CCDC60: variants seen among roughly 807,000 people sequenced by gnomAD.
The protein encoded by CCDC60 is coiled-coil domain containing 60, also known as coiled-coil domain-containing protein 60.
Under a neutral mutation model 63.5 loss-of-function variants are expected in CCDC60, and 54 were observed. The ratio of observed to expected loss-of-function variants is 0.85; its 90% CI spans 0.68 to 1.07. CCDC60 has a LOEUF of 1.07. Among genes scored for constraint, CCDC60 ranks in the 50% least tolerant of loss-of-function variants. The pLI is 0.00. For missense variants in CCDC60, 651 were observed against 684.3 expected (o/e 0.95, Z 0.54); for synonymous variants, 206 against 238.8 (o/e 0.86, Z 1.27).
In CCDC60 at chr12:119,410,342, T is replaced by A. The variant is rs1222135578; in HGVS notation, c.91-18341T>A. 1.3e-5 allele frequency among the ~76,000 whole-genome samples: 2 copies of A among 152,028 alleles called. No homozygotes were observed. The highest frequency in any genetic ancestry group is 2.9e-5 in the Non-Finnish European group (2 of 68,004). On this transcript the variant is annotated intron_variant, in intron 1 of 13. Coordinates refer to ENST00000327554, the MANE Select transcript of CCDC60 (RefSeq NM_178499.5). This position sits in a 1 kb window ranked among gnomAD's most constrained non-coding sequence, Gnocchi z 4.0. ...TACATTTTAAAAAGTGATGTACCTT[T>A]TGATACATTTTTTTAAACCATTTGA... is the stretch of plus-strand genomic sequence containing the variant.
intron 7 of CCDC60, among the ~76,000 whole-genome samples, chr12:119,514,680 C>G (rs140943003): frequency 6.6e-6 from 1 of 151,936 alleles, no homozygotes; most frequent in Admixed American, 6.5e-5. Context: ...GTACAGTAAG[C>G]TAAGTTTAAT....
chr12:119,392,897 G>A (rs912688892), intron 1 of CCDC60, among the ~76,000 whole-genome samples: 6 of 152,174 alleles, frequency 3.9e-5, no homozygotes, highest in South Asian at 4.1e-4. Flanking sequence ...GCTTACACCT[G>A]TAATCCCAGC....
intron 6 of CCDC60, among the ~76,000 whole-genome samples, chr12:119,502,931 G>A (rs527553458): frequency 6.6e-6 from 1 of 152,204 alleles, no homozygotes; most frequent in South Asian, 2.1e-4. Context: ...CACTTTGGGA[G>A]ACCAAGGCGG....
chr12:119,438,026 T>G (rs557543620), intron 2 of CCDC60, among the ~76,000 whole-genome samples: 2 of 152,318 alleles, frequency 1.3e-5, no homozygotes, highest in South Asian at 4.1e-4. Context: ...GCACACCCCA[T>G]GGGTAGGTTG....
intron 13 of CCDC60, among the ~76,000 whole-genome samples, chr12:119,534,878 CTTTT>C (rs1252219950): frequency 6.6e-6 from 1 of 152,024 alleles, no homozygotes; most frequent in South Asian, 2.1e-4. Context: ...TAAAAATTCT[CTTTT>C]TTTGTTTTGT....
At position 119,540,664 on chromosome 12, in the gene CCDC60, G is replaced by T; in HGVS notation, c.1602G>T (p.Trp534Cys). ...TGCCTCAAGAGGATTACATCAGCTG[G>T]CTGCAGAGCCGGATCAACATACCCA... ...IHMPQEDYIS[W>C]LQSRINIPIG... The change falls in exon 14 of 14, where the codon TGG becomes TGT. Residue 534 changes from tryptophan to cysteine, a missense_variant. Trp to Cys is a radical substitution (Grantham distance 215, BLOSUM62 -2). Transcript: ENST00000327554. 1 of 1,614,018 alleles carries T rather than the reference G, an allele frequency of 6.2e-7. No individual in the cohort carries two copies.
chr12:119,481,289 T>C (rs540086396), intron 4 of CCDC60, among the ~76,000 whole-genome samples: 2 of 152,192 alleles, frequency 1.3e-5, no homozygotes, highest in Non-Finnish European at 2.9e-5. Context: ...CAATTTCTCA[T>C]GATGTCTCTT....
intron 1 of CCDC60, among the ~76,000 whole-genome samples, chr12:119,350,228 C>T (rs1010570389): frequency 6.6e-6 from 1 of 151,840 alleles, no homozygotes; most frequent in Non-Finnish European, 1.5e-5. Context: ...GACAGAGTCT[C>T]GCTCTGTCAC....
At chr12:119,482,009 A>ATATATATGTATATATGTGTG (rs774808817) in intron 4 of CCDC60, among the ~76,000 whole-genome samples, 2 of 40,648 alleles carry the variant, frequency 4.9e-5, no homozygotes, top group African/African-American at 5.9e-5. Flanking sequence ...TATATATAGT[A>ATATATATGTATATATGTGTG]TATATATATG....
intron 11 of CCDC60, among the ~76,000 whole-genome samples, chr12:119,524,793 C>T (rs774941101): frequency 7.3e-6 from 1 of 137,844 alleles, no homozygotes; most frequent in Admixed American, 7.9e-5. Flanking sequence ...CATGATCATA[C>T]CTTACTGCAG....
chr12:119,445,778 C>T (rs999048700), intron 2 of CCDC60, among the ~76,000 whole-genome samples: 1 of 152,166 alleles, frequency 6.6e-6, no homozygotes, highest in Admixed American at 6.5e-5. Context: ...GAATTAATGG[C>T]ATCTGCAGCA....
intron 1 of CCDC60, among the ~76,000 whole-genome samples, chr12:119,367,802 A>G (rs1202918303): frequency 6.6e-6 from 1 of 152,208 alleles, no homozygotes; most frequent in Non-Finnish European, 1.5e-5. Context: ...ATCCATTTTT[A>G]TGAAAGTACA....
intron 11 of CCDC60, 40 bp downstream of exon 11, chr12:119,523,858 A>G (rs1456267407): frequency 6.2e-7 from 1 of 1,604,264 alleles, no homozygotes; most frequent in East Asian, 2.2e-5. Context: ...AACAGCATTC[A>G]CTGGGTACCT....
At chr12:119,477,968 G>C (rs527975830) in intron 3 of CCDC60, among the ~76,000 whole-genome samples, 1 of 152,110 alleles carries the variant, frequency 6.6e-6, no homozygotes, top group East Asian at 1.9e-4. Context: ...GAAAAAGAGA[G>C]TGGATTAATT....
rs979616869 is a variant in CCDC60 at position 119,528,737 on chromosome 12, C to G, written c.1352C>G (p.Ala451Gly). 2 of 1,613,220 alleles carry G rather than the reference C, an allele frequency of 1.2e-6. No homozygotes were observed. Among genetic ancestry groups the G allele is most frequent in the African/African-American group, 2.7e-5 (2 of 74,892 alleles). Residue 451 changes from alanine (A) to glycine (G), a missense_variant, in exon 12 of 14, where the codon GCA (alanine) becomes GGA (glycine). Ala to Gly is a moderately conservative substitution (Grantham distance 60, BLOSUM62 0). Transcript: ENST00000327554. ...GTAAAAGGAGATGCAGAAGAAATTGCAGACCACTGGTAAATATCCTAAGAA... is the reference window on the plus strand; with the variant it reads ...GTAAAAGGAGATGCAGAAGAAATTGGAGACCACTGGTAAATATCCTAAGAA... ...SVVKGDAEEI[A>G]DHWYFDLLSK... is the part of the protein sequence containing the mutation.
In CCDC60 at chr12:119,531,055, G is replaced by T; in HGVS notation, c.1543G>T (p.Ala515Ser). Residue 515 changes from alanine (A) to serine (S), a missense_variant, in exon 13 of 14, where the codon GCT (alanine) becomes TCT (serine). Physicochemically the swap from Ala to Ser is moderately conservative, Grantham distance 99. Coordinates refer to ENST00000327554, the MANE Select transcript of CCDC60 (RefSeq NM_178499.5). ...ACTGTGCTCCCCTGACATCGCTGTG[G>T]CTATTGAGGTAAACACCACCTCCTT... ...WELCSPDIAV[A>S]IEFVREHIIH... 1 of 1,613,626 alleles carries T rather than the reference G, an allele frequency of 6.2e-7. No individual in the cohort carries two copies. Among genetic ancestry groups the T allele is most frequent in the Non-Finnish European group, 8.5e-7 (1 of 1,179,784 alleles).
intron 10 of CCDC60, among the ~76,000 whole-genome samples, chr12:119,523,459 T>G (rs781310490): frequency 3.9e-5 from 6 of 152,234 alleles, no homozygotes; most frequent in Non-Finnish European, 8.8e-5. Flanking sequence ...TGTCTCACTG[T>G]GGGCTCATTT....
intron 1 of CCDC60, chr12:119,388,007 TA>T (rs1441083353): frequency 6.6e-6 from 1 of 152,242 alleles, no homozygotes; most frequent in Non-Finnish European, 1.5e-5. Context: ...ATAAGGGTTT[TA>T]TTTTCTCATG....
In CCDC60 at chr12:119,540,853, G is replaced by A. The variant is rs1953143624; in HGVS notation, c.*138G>A. ...ATGACCCTTTACAGTAGGGTCATCT[G>A]GAGACTGACTTCCAGCAACATTTTT... On this transcript the variant is annotated 3_prime_UTR_variant, in exon 14 of 14. Transcript: ENST00000327554. 1.5e-5 allele frequency: 9 copies of A among 593,148 alleles called. No homozygotes were observed. The highest frequency in any genetic ancestry group is 6.8e-5 in the South Asian group (3 of 44,382). The allele number at this position is 593,148 out of a possible 1,614,324, so 36.7% of individuals were successfully genotyped here.
Sources: allele counts gnomAD v4.1 joint callset (sites outside exome capture counted in the v4.1 genomes callset), GRCh38; gene constraint gnomAD v4.1.1; non-coding constraint Gnocchi (gnomAD v3.1); transcripts MANE v1.5; gene names NCBI Gene and HGNC (gene_info 2026-07-23, HGNC 2026-07-21).